GNB1: variants seen among roughly 807,000 people sequenced by gnomAD.
GNB1 encodes the protein guanine nucleotide-binding protein G(I)/G(S)/G(T) subunit beta-1.
GNB1 carries 2 observed loss-of-function variants against 42.9 expected under a neutral mutation model. That is an observed-to-expected ratio of 0.05 (90% confidence interval 0.02 to 0.15). The LOEUF (loss-of-function observed/expected upper bound fraction) is 0.15, where lower values mean the gene tolerates loss of function less well. GNB1 is among the 10% of genes least tolerant of loss of function. The pLI is 1.00. For missense variants in GNB1, 193 were observed against 462.2 expected (o/e 0.42, Z 5.34); for synonymous variants, 183 against 174.7 (o/e 1.05, Z -0.38).
chr1:1,797,131 G>T (rs1408421647), intron 7 of GNB1, among the ~76,000 whole-genome samples: 1 of 152,172 alleles, frequency 6.6e-6, no homozygotes, highest in South Asian at 2.1e-4. Context: ...AGCCCTGTGA[G>T]GAAACTTACC....
intron 1 of GNB1, among the ~76,000 whole-genome samples, chr1:1,886,091 C>A (rs1296759848): frequency 6.6e-6 from 1 of 151,658 alleles, no homozygotes; most frequent in Non-Finnish European, 1.5e-5. Flanking sequence ...ACAGGCAGAT[C>A]ACCGGAGGTC....
At chr1:1,816,490 ATTTT>A (rs888174774) in intron 4 of GNB1, among the ~76,000 whole-genome samples, 2 of 151,616 alleles carry the variant, frequency 1.3e-5, no homozygotes. Context: ...ATGTAGCCTA[ATTTT>A]TTTTTCTTTA....
chr1:1,801,779 A>G lies in GNB1; in HGVS notation c.430+2640T>C, dbSNP rs759085143. Among the ~76,000 whole-genome samples the G allele has an allele frequency of 2.3e-4, 35 of 152,346 alleles. 1 individual carries two copies. Among genetic ancestry groups the G allele is most frequent in the South Asian group, 6.2e-4 (3 of 4,832 alleles). On this transcript the variant is annotated intron_variant, in intron 7 of 11. Transcript: ENST00000378609. ...AAAGGTGGCAAAGTAGCAGAGTTAC[A>G]ATAAGAAATATAAATGTGCAAAAGC...
chr1:1,820,229 C>G (rs1299750120), intron 3 of GNB1, among the ~76,000 whole-genome samples: 1 of 151,768 alleles, frequency 6.6e-6, no homozygotes, highest in African/African-American at 2.4e-5. Context: ...TGGTGGCCGG[C>G]ACCTGTAATC....
chr1:1,813,061 A>G (rs1357213393), intron 5 of GNB1, among the ~76,000 whole-genome samples: 3 of 152,280 alleles, frequency 2.0e-5, no homozygotes, highest in Middle Eastern at 3.4e-3. Flanking sequence ...GTTCCCACAC[A>G]TGGAGGAAAG....
intron 7 of GNB1, among the ~76,000 whole-genome samples, chr1:1,795,952 G>A (rs12069909): frequency 0.019 from 2,823 of 152,184 alleles, 90 homozygotes; most frequent in African/African-American, 0.064. Context: ...AGGACAAGGG[G>A]AATGACCGAA....
chr1:1,861,608 T>TG (rs1378377995), intron 1 of GNB1, among the ~76,000 whole-genome samples: 1 of 138,162 alleles, frequency 7.2e-6, no homozygotes, highest in East Asian at 2.1e-4. Context: ...GGGTTGGTGG[T>TG]GGGGGAGAAG....
intron 2 of GNB1, among the ~76,000 whole-genome samples, chr1:1,838,783 G>A (rs141263279): frequency 2.8e-4 from 43 of 152,136 alleles, no homozygotes; most frequent in African/African-American, 9.6e-4. Flanking sequence ...TTGAAAAAAG[G>A]GCTCTCCTGC....
chr1:1,789,445 C>A (rs2100485953), intron 9 of GNB1, among the ~76,000 whole-genome samples, 176 bp from the exon 10 acceptor site: 1 of 152,156 alleles, frequency 6.6e-6, no homozygotes, highest in Non-Finnish European at 1.5e-5. Flanking sequence ...GTAATCCCAG[C>A]ACTTTGGGAG....
At chr1:1,876,380 G>A (rs949936655) in intron 1 of GNB1, among the ~76,000 whole-genome samples, 3 of 151,926 alleles carry the variant, frequency 2.0e-5, no homozygotes, top group African/African-American at 7.3e-5. Flanking sequence ...CGAACTCCTG[G>A]GTTCAAGCAA....
At chr1:1,849,689 C>T (rs1364582276) in intron 1 of GNB1, among the ~76,000 whole-genome samples, 2 of 152,152 alleles carry the variant, frequency 1.3e-5, no homozygotes, top group East Asian at 3.9e-4. Context: ...GTATGACCCA[C>T]CATGCCTGGC....
At position 1,802,259 on chromosome 1, in the gene GNB1, G is replaced by A. The variant is rs571375353; in HGVS notation, c.430+2160C>T. ...TATCATTCCCATGTGCACACAGCGC[G>A]GCCACCATGACAGACCATCAGCTCC... On this transcript the variant is annotated intron_variant, in intron 7 of 11. Transcript: ENST00000378609. Among the ~76,000 whole-genome samples the A allele has an allele frequency of 3.9e-5, 6 of 151,996 alleles. No individual in the cohort carries two copies. The South Asian group carries it at 8.3e-4, about 21-fold the overall frequency.
At chr1:1,857,246 T>TAA (rs71578345) in intron 1 of GNB1, among the ~76,000 whole-genome samples, 21,668 of 152,076 alleles carry the variant, frequency 0.14, 1,805 homozygotes, top group Middle Eastern at 0.3. Flanking sequence ...CCAAGGAAAC[T>TAA]AAACTGGAAA....
chr1:1,855,575 C>T (rs1170933224), intron 1 of GNB1, among the ~76,000 whole-genome samples: 10 of 151,990 alleles, frequency 6.6e-5, no homozygotes, highest in African/African-American at 2.2e-4. Flanking sequence ...GTGGCAGGCG[C>T]CTGTAGTCCC....
rs186779232 is a variant in GNB1 at position 1,829,177 on chromosome 1, C to G, written c.-46-3678G>C. On this transcript the variant is annotated intron_variant, in intron 2 of 11. Coordinates refer to ENST00000378609, the MANE Select transcript of GNB1 (RefSeq NM_002074.5). ...GTTCAAGTGATTCTTTTGCCTCAGC[C>G]TCCCGAGTAGCTGGAATTACAGGCG... Among the ~76,000 whole-genome samples the G allele has an allele frequency of 2.9e-3, 434 of 152,232 alleles. 9 individuals are homozygous for G. The highest frequency in any genetic ancestry group is 0.024 in the Admixed American group (369 of 15,280).
intron 2 of GNB1, among the ~76,000 whole-genome samples, chr1:1,833,782 C>G (rs1170942742): frequency 6.6e-6 from 1 of 152,190 alleles, no homozygotes; most frequent in African/African-American, 2.4e-5. Context: ...AAAAATAACA[C>G]AACTGTTCTT....
At chr1:1,808,646 G>T (rs1232105383) in intron 5 of GNB1, among the ~76,000 whole-genome samples, 8 of 84,906 alleles carry the variant, frequency 9.4e-5, no homozygotes, top group East Asian at 2.5e-4. Context: ...GTTTGTTTTT[G>T]TTTGTTTGTT....
intron 1 of GNB1, among the ~76,000 whole-genome samples, chr1:1,871,866 T>C (rs1649268715): frequency 6.6e-6 from 1 of 152,102 alleles, no homozygotes; most frequent in Non-Finnish European, 1.5e-5. Context: ...CTACCACCCA[T>C]TTCTTCCCAT....
intron 1 of GNB1, among the ~76,000 whole-genome samples, chr1:1,855,347 G>T (rs1480960695): frequency 6.9e-6 from 1 of 144,056 alleles, no homozygotes; most frequent in Non-Finnish European, 1.5e-5. Flanking sequence ...GAAAAGAAAA[G>T]AAGAAAAAAG....
Sources: gnomAD v4.1 joint callset for allele counts (sites outside exome capture counted in the v4.1 genomes callset) on GRCh38, gnomAD v4.1.1 for gene constraint, MANE v1.5 for transcripts, NCBI Gene and HGNC (gene_info 2026-07-23, HGNC 2026-07-21) for gene names.